TAB2: variants seen among roughly 807,000 people sequenced by gnomAD.
TAB2 encodes TGF-beta activated kinase 1 (MAP3K7) binding protein 2, also known as TGF-beta-activated kinase 1 and MAP3K7-binding protein 2.
In TAB2, 3 loss-of-function variants were observed where a neutral mutation model predicts 65.0. That is an observed-to-expected ratio of 0.05 (90% CI 0.02 to 0.12). The LOEUF is 0.12. Among genes scored for constraint, TAB2 ranks in the 10% least tolerant of loss-of-function variants. The probability of loss-of-function intolerance (pLI) is 1.00; values close to 1 mark genes in which losing one functional copy is unlikely to be tolerated. For missense variants in TAB2, 623 were observed against 840.3 expected (o/e 0.74, Z 3.20); for synonymous variants, 298 against 285.1 (o/e 1.05, Z -0.46).
chr6:149,354,249 G>A (rs958056603), intron 1 of TAB2, among the ~76,000 whole-genome samples: 3 of 152,188 alleles, frequency 2.0e-5, no homozygotes, highest in Non-Finnish European at 4.4e-5. Context: ...TCCTGAAATC[G>A]AAAGAGAAGT....
intron 1 of TAB2, among the ~76,000 whole-genome samples, chr6:149,337,108 TTAC>T (rs1779957595): frequency 6.6e-6 from 1 of 152,140 alleles, no homozygotes; most frequent in South Asian, 2.1e-4. Flanking sequence ...TTTATGCATA[TTAC>T]TACTTCAGAA....
intron 1 of TAB2, among the ~76,000 whole-genome samples, chr6:149,242,762 C>T (rs761923175): frequency 3.9e-5 from 6 of 152,156 alleles, no homozygotes; most frequent in Non-Finnish European, 8.8e-5. Context: ...GATGGCCGCC[C>T]GTCTCTTCTC....
intron 1 of TAB2, among the ~76,000 whole-genome samples, chr6:149,364,533 C>T (rs747508163): frequency 4.6e-5 from 7 of 151,856 alleles, no homozygotes; most frequent in South Asian, 2.1e-4. Context: ...AAATTATAAA[C>T]GTGTATTTAT....
At chr6:149,397,851 T>G in intron 4 of TAB2, 87 bp downstream of exon 4, 1 of 1,585,162 alleles carries the variant, frequency 6.3e-7, no homozygotes, top group Middle Eastern at 2.3e-4. Context: ...TCTAGTTTTC[T>G]TCAGATGTTC....
intron 2 of TAB2, among the ~76,000 whole-genome samples, chr6:149,374,085 T>G (rs1781320158): frequency 6.6e-6 from 1 of 152,212 alleles, no homozygotes; most frequent in Non-Finnish European, 1.5e-5. Context: ...TGGAGGTTGC[T>G]AGGGACCAAA....
chr6:149,388,954 CTT>C (rs61577861), intron 3 of TAB2, among the ~76,000 whole-genome samples: 215 of 113,658 alleles, frequency 1.9e-3, no homozygotes, highest in Middle Eastern at 8.1e-3. Context: ...TAACAGAAAT[CTT>C]TTTTTTTTTT....
chr6:149,327,985 CAG>C (rs1337105474), intron 1 of TAB2, among the ~76,000 whole-genome samples: 1 of 152,124 alleles, frequency 6.6e-6, no homozygotes, highest in African/African-American at 2.4e-5. Context: ...TAAAGGATGA[CAG>C]AGCCATTGCT....
intron 1 of TAB2, among the ~76,000 whole-genome samples, chr6:149,358,943 T>C (rs1780758799): frequency 6.6e-6 from 1 of 152,152 alleles, no homozygotes; most frequent in Non-Finnish European, 1.5e-5. Flanking sequence ...ATTGTTACAT[T>C]TTATGATGAT....
intron 1 of TAB2, among the ~76,000 whole-genome samples, chr6:149,258,416 TACACAC>T (rs56710457): frequency 0.11 from 16,382 of 146,168 alleles, 872 homozygotes; most frequent in Non-Finnish European, 0.13. Context: ...CATGACTGCC[TACACAC>T]ACACACACAC....
At chr6:149,249,478 C>G (rs749350861) in intron 1 of TAB2, among the ~76,000 whole-genome samples, 5 of 151,936 alleles carry the variant, frequency 3.3e-5, no homozygotes, top group Non-Finnish European at 7.4e-5. Context: ...GTCTTTCTCT[C>G]TGTCTCTCTC....
chr6:149,409,453 T>C, intron 6 of TAB2, 124 bp from the exon 7 acceptor site: 1 of 824,716 alleles, frequency 1.2e-6, no homozygotes, highest in South Asian at 1.5e-5. Flanking sequence ...CAGTGTCAGC[T>C]AGATGCCCCA....
At chr6:149,319,475 T>C (rs189017970) in intron 1 of TAB2, among the ~76,000 whole-genome samples, 1 of 152,344 alleles carries the variant, frequency 6.6e-6, no homozygotes, top group Admixed American at 6.5e-5. Context: ...ATGGGAAGAA[T>C]TGTTAGATAC....
intron 1 of TAB2, among the ~76,000 whole-genome samples, chr6:149,273,671 C>G (rs1778404313): frequency 6.6e-6 from 1 of 152,194 alleles, no homozygotes; most frequent in African/African-American, 2.4e-5. Flanking sequence ...GCATCCACAG[C>G]CCATCAGGTC....
At chr6:149,357,443 A>ACC in intron 1 of TAB2, among the ~76,000 whole-genome samples, 1 of 145,854 alleles carries the variant, frequency 6.9e-6, no homozygotes, top group East Asian at 2.1e-4. Context: ...ACACACACAC[A>ACC]CACACACACA....
intron 3 of TAB2, among the ~76,000 whole-genome samples, chr6:149,383,635 T>G (rs1313330054): frequency 6.6e-6 from 1 of 152,158 alleles, no homozygotes; most frequent in Non-Finnish European, 1.5e-5. Context: ...CAGGCTGGAG[T>G]GCAGTAGCAC....
chr6:149,355,775 ACT>A (rs1278411697), intron 1 of TAB2, among the ~76,000 whole-genome samples: 1 of 151,998 alleles, frequency 6.6e-6, no homozygotes, highest in Non-Finnish European at 1.5e-5. Context: ...CTTACATGAC[ACT>A]GTTTACCTGT....
intron 1 of TAB2, among the ~76,000 whole-genome samples, chr6:149,241,850 T>C (rs12202776): frequency 6.6e-6 from 1 of 152,148 alleles, no homozygotes; most frequent in Non-Finnish European, 1.5e-5. Flanking sequence ...GTAGAAAGAA[T>C]TGGGGAAGAA....
intron 1 of TAB2, among the ~76,000 whole-genome samples, chr6:149,227,485 C>A (rs897038661): frequency 1.3e-5 from 2 of 152,078 alleles, no homozygotes; most frequent in African/African-American, 2.4e-5. Flanking sequence ...AACAAGCAGA[C>A]AAGGCAAATG....
chr6:149,261,300 A>G (rs9377202), intron 1 of TAB2, among the ~76,000 whole-genome samples: 25,679 of 152,200 alleles, frequency 0.17, 2,278 homozygotes, highest in Admixed American at 0.23. Flanking sequence ...AGTTTCAGAA[A>G]GTTGACTGTG....
Sources: allele counts gnomAD v4.1 joint callset (sites outside exome capture counted in the v4.1 genomes callset), GRCh38; gene constraint gnomAD v4.1.1; transcripts MANE v1.5; gene names NCBI Gene and HGNC (gene_info 2026-07-23, HGNC 2026-07-21).